The following NBEA variants were observed in gnomAD, a reference collection of about 807,000 sequenced individuals.
The protein encoded by NBEA is neurobeachin.
In NBEA, 44 loss-of-function variants were observed where a neutral mutation model predicts 343.4. The ratio of observed to expected loss-of-function variants is 0.13; its 90% CI spans 0.10 to 0.16. NBEA has a LOEUF of 0.16. Ranked by LOEUF, NBEA falls within the 10% of genes least tolerant of loss-of-function variation. The pLI is 1.00. For synonymous variants in NBEA, 1,175 were observed against 1,238.7 expected (o/e 0.95, Z 1.08); for missense variants, 2,555 against 3,631.3 (o/e 0.70, Z 7.62).
At position 35,604,709 on chromosome 13, in the gene NBEA, C is replaced by T. The variant is rs916725921; in HGVS notation, c.7297-1717C>T. Reference sequence around the variant, plus strand: ...CATCCATCTGGCCTCATATACCTCCCACCATCTCATCCCTCCCTTGTCTTG... The same window carrying T: ...CATCCATCTGGCCTCATATACCTCCTACCATCTCATCCCTCCCTTGTCTTG... On this transcript the variant is annotated intron_variant, in intron 47 of 58. Transcript: ENST00000379939. Among the ~76,000 whole-genome samples, 4 of 152,210 alleles carry T rather than the reference C, an allele frequency of 2.6e-5. No homozygotes were observed. The East Asian group carries it at 5.8e-4, about 22-fold the overall frequency.
intron 10 of NBEA, among the ~76,000 whole-genome samples, chr13:35,085,832 C>T (rs1216560821): frequency 6.6e-6 from 1 of 152,040 alleles, no homozygotes; most frequent in Admixed American, 6.6e-5. Flanking sequence ...ATCTAGAAAA[C>T]CCCATCATCT....
At chr13:35,667,672 A>G in intron 57 of NBEA, 102 bp downstream of exon 57, 1 of 1,123,586 alleles carries the variant, frequency 8.9e-7, no homozygotes, top group East Asian at 2.4e-5. Flanking sequence ...TGCTATCCAG[A>G]TAAATGTGTT....
At chr13:35,198,027 A>G (rs935632712) in intron 31 of NBEA, among the ~76,000 whole-genome samples, 9 of 152,192 alleles carry the variant, frequency 5.9e-5, no homozygotes, top group African/African-American at 2.2e-4. Context: ...TGGTGTCAGA[A>G]GTTTTAAAAA....
At chr13:35,439,616 G>T (rs567652805) in intron 39 of NBEA, among the ~76,000 whole-genome samples, 1 of 152,128 alleles carries the variant, frequency 6.6e-6, no homozygotes, top group Non-Finnish European at 1.5e-5. Context: ...TTGAGGATAA[G>T]ATATATCTAA....
intron 41 of NBEA, among the ~76,000 whole-genome samples, chr13:35,488,233 CTAACTT>C (rs2076374064): frequency 6.6e-6 from 1 of 151,878 alleles, no homozygotes; most frequent in Non-Finnish European, 1.5e-5. Flanking sequence ...GCAAAACAAT[CTAACTT>C]TAATGAATTT....
intron 18 of NBEA, among the ~76,000 whole-genome samples, chr13:35,147,918 G>C (rs1377330687): frequency 6.6e-6 from 1 of 152,134 alleles, no homozygotes; most frequent in East Asian, 1.9e-4. Context: ...CTAATTACAA[G>C]ATGGTATTAA....
At position 35,230,715 on chromosome 13, in the gene NBEA, G is replaced by A. The variant is rs928146746; in HGVS notation, c.5649-1777G>A. Among the ~76,000 whole-genome samples the A allele has an allele frequency of 7.2e-5, 11 of 151,748 alleles. No individual in the cohort carries two copies. In the East Asian group the frequency reaches 1.4e-3, roughly 19 times the overall value. On this transcript the variant is annotated intron_variant, in intron 33 of 58. Coordinates refer to ENST00000379939, the MANE Select transcript of NBEA (RefSeq NM_001385012.1). ...TAACTTACTGTGATTATGCTTATTC[G>A]GTGACTTCAGGTAGCCTTTCTTTTG...
At chr13:35,594,972 C>CACAT (rs2081711440) in intron 47 of NBEA, among the ~76,000 whole-genome samples, 2 of 151,104 alleles carry the variant, frequency 1.3e-5, no homozygotes, top group South Asian at 4.2e-4. Flanking sequence ...CACACACACA[C>CACAT]ACACACACAC....
intron 8 of NBEA, among the ~76,000 whole-genome samples, chr13:35,067,870 G>C (rs2063712984): frequency 6.6e-6 from 1 of 151,982 alleles, no homozygotes; most frequent in Non-Finnish European, 1.5e-5. Flanking sequence ...TGAAGAGCTG[G>C]AACTACAGGC....
At chr13:35,015,138 A>C (rs2061609535) in intron 1 of NBEA, among the ~76,000 whole-genome samples, 2 of 124,340 alleles carry the variant, frequency 1.6e-5, no homozygotes, top group Non-Finnish European at 3.3e-5. Flanking sequence ...AAAAAAAAAA[A>C]ACAAACAAAA....
In NBEA at chr13:35,628,073, C is replaced by T. The variant is rs1593408966; in HGVS notation, c.7450-8C>T. The T allele has an allele frequency of 6.2e-7, 1 of 1,604,818 alleles. No individual in the cohort carries two copies. Among genetic ancestry groups the T allele is most frequent in the East Asian group, 2.2e-5 (1 of 44,526 alleles). On this transcript the variant is annotated splice_region_variant and splice_polypyrimidine_tract_variant and intron_variant, in intron 48 of 58. Transcript: ENST00000379939. ...ATGGTCTCTCATTTCTTTCTTGACT[C>T]ATTTCAGGCCCTAGAAAGTGAATTT...
chr13:35,080,322 G>C (rs1184239946), intron 10 of NBEA, among the ~76,000 whole-genome samples: 2 of 152,126 alleles, frequency 1.3e-5, no homozygotes, highest in Non-Finnish European at 2.9e-5. Context: ...CCAGCATTTA[G>C]AAACAGGGAA....
intron 4 of NBEA, among the ~76,000 whole-genome samples, chr13:35,047,299 C>T (rs1267997468): frequency 6.6e-6 from 1 of 151,624 alleles, no homozygotes; most frequent in Non-Finnish European, 1.5e-5. Context: ...CCTGCATCTT[C>T]AGTCATTATG....
At chr13:35,553,554 A>G (rs1453647650) in intron 43 of NBEA, among the ~76,000 whole-genome samples, 1 of 152,158 alleles carries the variant, frequency 6.6e-6, no homozygotes, top group African/African-American at 2.4e-5. Flanking sequence ...CTTATCTACC[A>G]TAAAATGGGG....
chr13:35,271,195 G>A (rs2034118954), intron 34 of NBEA, among the ~76,000 whole-genome samples: 1 of 152,182 alleles, frequency 6.6e-6, no homozygotes, highest in Admixed American at 6.5e-5. Flanking sequence ...AGCTTCCACT[G>A]GTGATACCCA....
chr13:34,982,439 A>C (rs2152507886), intron 1 of NBEA, among the ~76,000 whole-genome samples: 1 of 152,234 alleles, frequency 6.6e-6, no homozygotes, highest in East Asian at 1.9e-4. Context: ...AGCTGGAATT[A>C]CAGGCATCTG....
intron 44 of NBEA, among the ~76,000 whole-genome samples, chr13:35,558,231 C>T (rs1015053040): frequency 1.3e-5 from 2 of 151,912 alleles, no homozygotes; most frequent in Non-Finnish European, 2.9e-5. Flanking sequence ...AGGAAGCAGA[C>T]GTATACCAGT....
chr13:35,210,997 A>T, intron 32 of NBEA, 56 bp from the exon 33 acceptor site: 1 of 1,507,416 alleles, frequency 6.6e-7, no homozygotes, highest in Non-Finnish European at 8.9e-7. Context: ...TGGTGTAATT[A>T]AAATTTTTTT....
intron 38 of NBEA, among the ~76,000 whole-genome samples, chr13:35,368,028 T>C (rs2041223410): frequency 6.6e-6 from 1 of 151,568 alleles, no homozygotes; most frequent in Non-Finnish European, 1.5e-5. Flanking sequence ...TGGGCAGAGT[T>C]ATGTGAATAT....
Sources: allele counts gnomAD v4.1 joint callset (sites outside exome capture counted in the v4.1 genomes callset), GRCh38; gene constraint gnomAD v4.1.1; transcripts MANE v1.5; gene names NCBI Gene and HGNC (gene_info 2026-07-23, HGNC 2026-07-21).